The following KIAA1671 variants were observed in gnomAD, a reference collection of about 807,000 sequenced individuals.
The protein encoded by KIAA1671 is uncharacterized protein KIAA1671.
In KIAA1671, 52 loss-of-function variants were observed where a neutral mutation model predicts 131.2. That is an observed-to-expected ratio of 0.40 (90% confidence interval 0.32 to 0.50). The LOEUF is 0.50. KIAA1671 is among the 20% of genes least tolerant of loss of function. The probability of loss-of-function intolerance (pLI) is 0.73; values close to 1 mark genes in which losing one functional copy is unlikely to be tolerated. For missense variants in KIAA1671, 2,360 were observed against 2,364.2 expected (o/e 1.00, Z 0.04); for synonymous variants, 1,003 against 961.6 (o/e 1.04, Z -0.80).
intron 1 of KIAA1671, chr22:25,011,381 A>C (rs993481828): frequency 6.6e-6 from 1 of 151,688 alleles, no homozygotes; most frequent in Non-Finnish European, 1.5e-5. Context: ...ACTCCTGACC[A>C]CAGGTGATCC....
Position 25,049,225 on chromosome 22 carries a change from T to C in KIAA1671, c.4396-5T>C. 6.4e-7 allele frequency: 1 copy of C among 1,551,728 alleles called. No individual in the cohort carries two copies. Among genetic ancestry groups the C allele is most frequent in the African/African-American group, 1.4e-5 (1 of 73,150 alleles). ...AAAGTCCTTTTCTTGTGCTCTGTGT[T>C]TCAGGTGCTGCCACGGGACCTGGAG... On this transcript the variant is annotated splice_polypyrimidine_tract_variant and splice_region_variant and intron_variant, in intron 5 of 12. Transcript: ENST00000358431.
At chr22:25,022,857 G>A (rs1432955286) in intron 1 of KIAA1671, 10 of 152,306 alleles carry the variant, frequency 6.6e-5, no homozygotes, top group Non-Finnish European at 1.3e-4. Context: ...TCTTTCTCTG[G>A]GGAGGTCTTG....
At chr22:25,118,258 C>T (rs938654388) in intron 6 of KIAA1671, among the ~76,000 whole-genome samples, 1 of 152,054 alleles carries the variant, frequency 6.6e-6, no homozygotes, top group African/African-American at 2.4e-5. Context: ...TGGCTTGTGG[C>T]CACATCACCC....
chr22:25,031,887 G>A (rs1926314269), intron 3 of KIAA1671, among the ~76,000 whole-genome samples: 1 of 152,292 alleles, frequency 6.6e-6, no homozygotes, highest in Non-Finnish European at 1.5e-5. Flanking sequence ...TGCTGAGTAT[G>A]GGTTAAGTTT....
intron 6 of KIAA1671, among the ~76,000 whole-genome samples, chr22:25,089,867 G>A (rs182783266): frequency 4.6e-5 from 7 of 152,266 alleles, no homozygotes; most frequent in South Asian, 2.1e-4. Flanking sequence ...ATGCCTGGCC[G>A]TGGCCTTTCT....
intron 6 of KIAA1671, among the ~76,000 whole-genome samples, chr22:25,162,179 G>T (rs1273596321): frequency 6.6e-5 from 10 of 152,336 alleles, no homozygotes; most frequent in African/African-American, 2.4e-4. Context: ...TCAGCGCTCA[G>T]GAGTGTCAGC....
intron 6 of KIAA1671, among the ~76,000 whole-genome samples, chr22:25,123,346 A>C (rs1169891210): frequency 1.3e-5 from 2 of 151,886 alleles, no homozygotes; most frequent in Admixed American, 6.6e-5. Flanking sequence ...GTACGTGCCA[A>C]CACACCTGGC....
At chr22:25,005,358 AAAAAAAG>A (rs987225235) in intron 1 of KIAA1671, among the ~76,000 whole-genome samples, 24 of 151,630 alleles carry the variant, frequency 1.6e-4, no homozygotes, top group Admixed American at 6.6e-4. Context: ...AAAAAAAAAA[AAAAAAAG>A]AAAAAAAGAA....
rs1933820856 is a variant in KIAA1671, at chr22:25,170,807, C to T, written c.4531-13C>T. 3 of 1,550,828 alleles carry T rather than the reference C, an allele frequency of 1.9e-6. No homozygotes were observed. Among genetic ancestry groups the T allele is most frequent in the Non-Finnish European group, 1.7e-6 (2 of 1,146,214 alleles). The stretch of plus-strand genomic sequence containing the variant: ...TTCCTGGTAGAAATCTCACATCTGG[C>T]TTGTCTTTGCAGGACCAGCTGAAGC... On this transcript the variant is annotated splice_polypyrimidine_tract_variant and intron_variant, in intron 6 of 12. Coordinates refer to ENST00000358431, the MANE Select transcript of KIAA1671 (RefSeq NM_001145206.2).
chr22:25,189,098 C>G (rs1000114934), intron 11 of KIAA1671, among the ~76,000 whole-genome samples: 1 of 149,372 alleles, frequency 6.7e-6, no homozygotes, highest in African/African-American at 2.5e-5. Flanking sequence ...AAAGGCTTCC[C>G]TCTTCTTCCT....
chr22:24,992,814 C>CAAAAAAAAAAAAAAAAAAAAA lies in KIAA1671; in HGVS notation c.-207-32815_-207-32795dup, dbSNP rs761181079. 3.5e-5 allele frequency among the ~76,000 whole-genome samples: 2 copies of CAAAAAAAAAAAAAAAAAAAAA among 57,380 alleles called. 1 individual carries two copies. The allele number at this position is 57,380 out of a possible 152,430, so 37.6% of individuals were successfully genotyped here. A position where few individuals can be genotyped will look rare whatever the true frequency, so the allele number is the denominator to read the frequency against. On this transcript the variant is annotated intron_variant, in intron 1 of 12. Transcript: ENST00000358431. ...TAGGTGACAGAGCGAGACTCCGTCT[C>CAAAAAAAAAAAAAAAAAAAAA]AAAAAAAAAAAAAAAAAAAAAAAAG...
intron 4 of KIAA1671, among the ~76,000 whole-genome samples, chr22:25,035,105 C>T (rs1299376679): frequency 2.7e-5 from 4 of 146,416 alleles, no homozygotes; most frequent in African/African-American, 7.8e-5. Context: ...AGTACAGTCA[C>T]GTGATCTCAG....
At position 25,185,376 on chromosome 22, in the gene KIAA1671, C is replaced by T. The variant is rs544280537; in HGVS notation, c.5342+257C>T. ...GCCCACTGCCACCTGCTACATGGAACGCCAGGGCACCATTGCTGGAGAACT... is the reference window on the plus strand; with the variant it reads ...GCCCACTGCCACCTGCTACATGGAATGCCAGGGCACCATTGCTGGAGAACT... On this transcript the variant is annotated intron_variant, in intron 11 of 12. Coordinates refer to ENST00000358431, the MANE Select transcript of KIAA1671 (RefSeq NM_001145206.2). 2.6e-4 allele frequency: 112 copies of T among 434,820 alleles called. 2 individuals carry two copies. Among genetic ancestry groups the T allele is most frequent in the African/African-American group, 1.0e-3 (51 of 49,364 alleles). The allele number at this position is 434,820 out of a possible 1,614,324, so 26.9% of individuals were successfully genotyped here.
At chr22:25,163,331 ATTTTTTTTTTT>A (rs132895) in intron 6 of KIAA1671, among the ~76,000 whole-genome samples, 33 of 55,554 alleles carry the variant, frequency 5.9e-4, no homozygotes, top group Middle Eastern at 0.02. Context: ...ATTGCCTCAA[ATTTTTTTTTTT>A]TTTTTTTTTT....
intron 6 of KIAA1671, among the ~76,000 whole-genome samples, chr22:25,068,113 C>T (rs1027774657): frequency 2.0e-5 from 3 of 150,440 alleles, no homozygotes; most frequent in African/African-American, 7.4e-5. Flanking sequence ...AGCTGGTGAG[C>T]AGGGCTGGCT....
Position 25,029,003 on chromosome 22 carries a change from C to A in KIAA1671, c.1004C>A (p.Ala335Asp). 1.3e-6 allele frequency: 2 copies of A among 1,511,290 alleles called. No individual in the cohort carries two copies. The highest frequency in any genetic ancestry group is 1.8e-6 in the Non-Finnish European group (2 of 1,128,886). 93.6% of individuals were successfully genotyped at this position (1,511,290 alleles called of 1,614,324 possible). ...AGGGACTGTTTGGTCAAGGCGGAGGCTCCTCTTCATGATCCTGATTTGGAC... is the reference window on the plus strand; with the variant it reads ...AGGGACTGTTTGGTCAAGGCGGAGGATCCTCTTCATGATCCTGATTTGGAC... Reference protein sequence around the residue: ...LDRDCLVKAEAPLHDPDLDFL... With the variant: ...LDRDCLVKAEDPLHDPDLDFL... The change falls in exon 3 of 13, where the codon GCT becomes GAT. Residue 335 changes from alanine (A) to aspartate (D), a missense_variant. This residue lies in a region of KIAA1671 where 1,185 missense variants were observed against 1,126.2 expected (regional missense o/e 1.05). Coordinates refer to ENST00000358431, the MANE Select transcript of KIAA1671 (RefSeq NM_001145206.2).
chr22:24,998,637 G>A (rs1348796869), intron 1 of KIAA1671, among the ~76,000 whole-genome samples: 1 of 147,720 alleles, frequency 6.8e-6, no homozygotes, highest in African/African-American at 2.5e-5. Context: ...AGAATGGCAT[G>A]AACCCAGGAG....
At chr22:25,060,684 C>T (rs1404055623) in intron 6 of KIAA1671, 1 of 152,206 alleles carries the variant, frequency 6.6e-6, no homozygotes, top group Non-Finnish European at 1.5e-5. Context: ...GGGCAGGTAG[C>T]ACAGGTGGGG....
rs185083998 is a variant in KIAA1671 at position 25,118,214 on chromosome 22, C to A, written c.4531-52606C>A. ...GGCTCTAGGGGAGCATCCTTTCTCA[C>A]CTCTTCCAGCTTCTGGTGGTTCCAG... On this transcript the variant is annotated intron_variant, in intron 6 of 12. Transcript: ENST00000358431. Among the ~76,000 whole-genome samples, 727 of 152,034 alleles carry A rather than the reference C, an allele frequency of 4.8e-3. 1 individual carries two copies. The highest frequency in any genetic ancestry group is 6.1e-3 in the Non-Finnish European group (415 of 67,998).
Sources: gnomAD v4.1 joint callset for allele counts (sites outside exome capture counted in the v4.1 genomes callset) on GRCh38, gnomAD v4.1.1 for gene constraint, gnomAD v4.1.1 regional missense constraint, MANE v1.5 for transcripts, NCBI Gene and HGNC (gene_info 2026-07-23, HGNC 2026-07-21) for gene names.